The following CLEC17A variants were observed in gnomAD, a reference collection of about 807,000 sequenced individuals.
The protein encoded by CLEC17A is C-type lectin domain family 17, member A.
In CLEC17A, 37 loss-of-function variants were observed where a neutral mutation model predicts 61.3. That is an observed-to-expected ratio of 0.60 (90% confidence interval 0.46 to 0.79). The LOEUF (loss-of-function observed/expected upper bound fraction) is 0.79. Among genes scored for constraint, CLEC17A ranks in the 30% least tolerant of loss-of-function variants. The probability of loss-of-function intolerance (pLI) is 0.00; values close to 1 mark genes in which losing one functional copy is unlikely to be tolerated. For synonymous variants in CLEC17A, 168 were observed against 164.9 expected, an observed-to-expected ratio of 1.02 and a Z score of -0.14; for missense variants, 418 against 464.7, an observed-to-expected ratio of 0.90 and a Z score of 0.92.
intron 3 of CLEC17A, among the ~76,000 whole-genome samples, chr19:14,588,843 T>A (rs1261603504): frequency 1.3e-5 from 2 of 151,856 alleles, no homozygotes; most frequent in African/African-American, 4.8e-5. Flanking sequence ...ATATCCCCCA[T>A]CTCTGAGTCC....
At chr19:14,592,398 G>C (rs1441486810) in intron 4 of CLEC17A, 40 bp downstream of exon 4, 4 of 1,611,176 alleles carry the variant, frequency 2.5e-6, no homozygotes, top group Middle Eastern at 1.7e-4. Context: ...GGGAATACAG[G>C]GAACAGGGTT....
chr19:14,594,270 C>G (rs2074491215), intron 4 of CLEC17A, among the ~76,000 whole-genome samples: 1 of 151,982 alleles, frequency 6.6e-6, no homozygotes, highest in Non-Finnish European at 1.5e-5. Flanking sequence ...GAGCAAGACT[C>G]TGTCTCAAAA....
chr19:14,607,930 G>C (rs1315863340), intron 13 of CLEC17A, among the ~76,000 whole-genome samples: 2 of 152,044 alleles, frequency 1.3e-5, no homozygotes, highest in Non-Finnish European at 1.5e-5. Context: ...GAGTGCAGTG[G>C]TGCAATCTCG....
intron 8 of CLEC17A, among the ~76,000 whole-genome samples, chr19:14,596,293 A>C (rs2074550656): frequency 6.6e-6 from 1 of 152,054 alleles, no homozygotes; most frequent in African/African-American, 2.4e-5. Flanking sequence ...AAATGGGAAT[A>C]ATGCTTATAA....
upstream of CLEC17A, among the ~76,000 whole-genome samples, chr19:14,582,205 T>C (rs1329279018): frequency 1.3e-5 from 2 of 150,958 alleles, no homozygotes; most frequent in Admixed American, 6.6e-5. Context: ...ACGAGGACCC[T>C]TGTAATGCCA....
Position 14,599,700 on chromosome 19 carries a change from C to A in CLEC17A, c.647-17C>A. 6.2e-7 allele frequency: 1 copy of A among 1,600,642 alleles called. No homozygotes were observed. The highest frequency in any genetic ancestry group is 8.6e-7 in the Non-Finnish European group (1 of 1,168,120). ...GGGTTCTCAGTCTGTAGCCCTCAAG[C>A]CCATCCCTTCTGACAGTGACTGGCA... On this transcript the variant is annotated splice_polypyrimidine_tract_variant and intron_variant, in intron 10 of 13. Coordinates refer to ENST00000417570, the MANE Select transcript of CLEC17A (RefSeq NM_001204118.2).
At chr19:14,584,003 G>A (rs924765286) in intron 2 of CLEC17A, 2 of 154,258 alleles carry the variant, frequency 1.3e-5, no homozygotes, top group African/African-American at 4.9e-5. Context: ...GGTCAAGGTG[G>A]GAGGATCGCT....
chr19:14,606,767 C>T (rs368030600), intron 12 of CLEC17A, among the ~76,000 whole-genome samples: 12 of 151,924 alleles, frequency 7.9e-5, no homozygotes, highest in Admixed American at 2.6e-4. Context: ...AACTGAGGCA[C>T]GGAGCAGTTC....
chr19:14,597,038 G>A (rs2074568624), intron 9 of CLEC17A, 25 bp downstream of exon 9: 1 of 1,610,962 alleles, frequency 6.2e-7, no homozygotes, highest in South Asian at 1.1e-5. Context: ...GAAGGGACAT[G>A]GGGAGAGATT....
At chr19:14,583,675 G>A (rs540415282) in intron 2 of CLEC17A, among the ~76,000 whole-genome samples, 2 of 152,084 alleles carry the variant, frequency 1.3e-5, no homozygotes, top group South Asian at 4.1e-4. Flanking sequence ...ATCCTTGGGG[G>A]ACTGAGGGCT....
chr19:14,585,359 A>C (rs1599527921), intron 2 of CLEC17A, among the ~76,000 whole-genome samples: 1 of 152,252 alleles, frequency 6.6e-6, no homozygotes, highest in Non-Finnish European at 1.5e-5. Flanking sequence ...CAGGGTCTAC[A>C]TATATGACTC....
rs2074514148 is a variant in CLEC17A at position 14,595,180 on chromosome 19, A to T, written c.404-94A>T. 4 of 1,453,122 alleles carry T rather than the reference A, an allele frequency of 2.8e-6. No individual in the cohort carries two copies. In the South Asian group the frequency reaches 4.7e-5, roughly 17 times the overall value. The allele number at this position is 1,453,122 out of a possible 1,614,324, so 90.0% of individuals were successfully genotyped here. ...AGCCACTGCCCACAGCCAGCCCCCT[A>T]AATTCTGACCAGAGAACAAAACAGA... On this transcript the variant is annotated intron_variant, in intron 7 of 13. Transcript: ENST00000417570.
intron 13 of CLEC17A, among the ~76,000 whole-genome samples, chr19:14,607,411 G>C (rs529605018): frequency 1.3e-5 from 2 of 151,736 alleles, no homozygotes; most frequent in South Asian, 4.2e-4. Flanking sequence ...CACCGTGTTA[G>C]CCAGGATGGT....
chr19:14,590,348 T>A (rs2074378406), intron 3 of CLEC17A, among the ~76,000 whole-genome samples: 2 of 152,088 alleles, frequency 1.3e-5, no homozygotes, highest in African/African-American at 4.8e-5. Flanking sequence ...ATACTTAGTC[T>A]ATATAAAAAC....
chr19:14,599,077 T>A (rs541897929), intron 10 of CLEC17A, among the ~76,000 whole-genome samples: 1,533 of 144,338 alleles, frequency 0.011, 30 homozygotes, highest in African/African-American at 0.039. Flanking sequence ...TCTGTATCTT[T>A]GCTTTTTTTT....
chr19:14,607,004 C>T lies in CLEC17A; in HGVS notation c.906C>T (p.Ala302=). 1 of 1,287,408 alleles carries T rather than the reference C, an allele frequency of 7.8e-7. No homozygotes were observed. The highest frequency in any genetic ancestry group is 9.9e-7 in the Non-Finnish European group (1 of 1,013,492). 79.7% of individuals were successfully genotyped at this position (1,287,408 alleles called of 1,614,324 possible). A position where few individuals can be genotyped will look rare whatever the true frequency, so the allele number is the denominator to read the frequency against. The change falls in exon 13 of 14, where the codon GCC becomes GCT. Residue 302 remains alanine, a synonymous_variant. Coordinates refer to ENST00000417570, the MANE Select transcript of CLEC17A (RefSeq NM_001204118.2). The part of the protein sequence containing the change: ...INSFAEHNFV[A]KAHGSPRVYW... The stretch of plus-strand genomic sequence containing the variant: ...ATTTTTATTTGCAGAATTTTGTGGC[C>T]AAGGCCCATGGCTCTCCACGGGTGT...
At position 14,594,621 on chromosome 19, in the gene CLEC17A, T is replaced by G. The variant is rs764647865; in HGVS notation, c.311-11T>G. 2 of 1,613,182 alleles carry G rather than the reference T, an allele frequency of 1.2e-6. No homozygotes were observed. Among genetic ancestry groups the G allele is most frequent in the Non-Finnish European group, 1.7e-6 (2 of 1,179,780 alleles). ...TGCTCTGGCCCTGACCAACCATTCC[T>G]CCCTCCTCAGCAAAGGAAACAGAGA... On this transcript the variant is annotated splice_polypyrimidine_tract_variant and intron_variant, in intron 5 of 13. Coordinates refer to ENST00000417570, the MANE Select transcript of CLEC17A (RefSeq NM_001204118.2).
intron 12 of CLEC17A, among the ~76,000 whole-genome samples, chr19:14,602,422 A>G (rs2074743390): frequency 6.6e-6 from 1 of 152,058 alleles, no homozygotes; most frequent in Non-Finnish European, 1.5e-5. Context: ...CCCACCAAGT[A>G]GCTGGGACAA....
chr19:14,610,347 G>C lies in CLEC17A; in HGVS notation c.*151G>C, dbSNP rs979835803. 44 of 1,095,848 alleles carry C rather than the reference G, an allele frequency of 4.0e-5. No homozygotes were observed. In the African/African-American group the frequency reaches 5.2e-4, roughly 13 times the overall value. The allele number at this position is 1,095,848 out of a possible 1,614,324, so 67.9% of individuals were successfully genotyped here. A position where few individuals can be genotyped will look rare whatever the true frequency, so the allele number is the denominator to read the frequency against. ...ACCCTGGATGCAGCAAGTTCCCAGG[G>C]GTGCAAGTCAGGCTGTTTCTAGAGT... On this transcript the variant is annotated 3_prime_UTR_variant, in exon 14 of 14. Coordinates refer to ENST00000417570, the MANE Select transcript of CLEC17A (RefSeq NM_001204118.2).
Sources: gnomAD v4.1 joint callset for allele counts (sites outside exome capture counted in the v4.1 genomes callset) on GRCh38, gnomAD v4.1.1 for gene constraint, MANE v1.5 for transcripts, NCBI Gene and HGNC (gene_info 2026-07-23, HGNC 2026-07-21) for gene names.